MEF2B: variants seen among roughly 807,000 people sequenced by gnomAD.
The protein encoded by MEF2B is myocyte-specific enhancer factor 2B.
A neutral mutation model predicts 32.2 loss-of-function variants in MEF2B; 15 were observed. That is an observed-to-expected ratio of 0.47 (90% CI 0.31 to 0.72). The LOEUF (loss-of-function observed/expected upper bound fraction) is 0.72, where lower values mean the gene tolerates loss of function less well. Ranked by LOEUF, MEF2B falls within the 30% of genes least tolerant of loss-of-function variation. The pLI is 0.05. For missense variants in MEF2B, 441 were observed against 511.5 expected (o/e 0.86, Z 1.33); for synonymous variants, 205 against 225.6 (o/e 0.91, Z 0.82).
At chr19:19,148,680 CTTAT>C (rs200858994) in intron 3 of MEF2B, among the ~76,000 whole-genome samples, 58,957 of 142,068 alleles carry the variant, frequency 0.41, 12,947 homozygotes, top group Non-Finnish European at 0.49. Context: ...ACTCCTCTGT[CTTAT>C]TTATTTATTT....
At chr19:19,167,870 C>T (rs2060222267) in intron 1 of MEF2B, among the ~76,000 whole-genome samples, 1 of 152,186 alleles carries the variant, frequency 6.6e-6, no homozygotes, top group African/African-American at 2.4e-5. Context: ...GAGGCATGGC[C>T]TTGAGCTCCA....
chr19:19,158,014 G>C (rs545523313), intron 1 of MEF2B, among the ~76,000 whole-genome samples: 31 of 152,200 alleles, frequency 2.0e-4, no homozygotes, highest in African/African-American at 7.2e-4. Flanking sequence ...GATATGTTCA[G>C]TTTGTGCAAA....
intron 1 of MEF2B, among the ~76,000 whole-genome samples, chr19:19,167,450 A>T (rs563101227): frequency 1.1e-4 from 16 of 151,844 alleles, no homozygotes; most frequent in African/African-American, 3.6e-4. Flanking sequence ...TGAGCCCAGG[A>T]GGCAGAGGTT....
At chr19:19,150,083 C>CAA (rs562187293) in intron 2 of MEF2B, among the ~76,000 whole-genome samples, 8 of 45,886 alleles carry the variant, frequency 1.7e-4, no homozygotes, top group Non-Finnish European at 2.3e-4. Flanking sequence ...AACTCCATCT[C>CAA]AAAAAAAAAA....
chr19:19,149,148 G>A, intron 3 of MEF2B, 78 bp downstream of exon 3: 7 of 1,551,694 alleles, frequency 4.5e-6, no homozygotes, highest in Non-Finnish European at 6.1e-6. Context: ...CATCTTTTGT[G>A]CAAACCAAGA....
intron 1 of MEF2B, 142 bp from the exon 2 acceptor site, chr19:19,150,906 T>C (rs2060074999): frequency 2.0e-6 from 2 of 1,011,092 alleles, no homozygotes; most frequent in Admixed American, 2.3e-5. Flanking sequence ...TGGGTCACTG[T>C]CGCAGACCCC....
In MEF2B at chr19:19,163,949, G is replaced by A. The variant is rs1047372851; in HGVS notation, c.-30+6256C>T. Among the ~76,000 whole-genome samples the A allele has an allele frequency of 3.3e-5, 5 of 152,046 alleles. No individual in the cohort carries two copies. The East Asian group carries it at 7.7e-4, about 23-fold the overall frequency. On this transcript the variant is annotated intron_variant, in intron 1 of 8. Coordinates refer to ENST00000424583, the MANE Select transcript of MEF2B (RefSeq NM_001145785.2). ...CTCCCAAAGTTCTGGGATTATAGAGGTGAGCCACCACACCCAGCCCTACTT... is the reference window on the plus strand; with the variant it reads ...CTCCCAAAGTTCTGGGATTATAGAGATGAGCCACCACACCCAGCCCTACTT...
At chr19:19,151,577 C>T (rs1016081095) in intron 1 of MEF2B, among the ~76,000 whole-genome samples, 6 of 152,088 alleles carry the variant, frequency 3.9e-5, no homozygotes, top group Admixed American at 6.6e-5. Flanking sequence ...CCACAGGGGA[C>T]GTCCCCGCTC....
At chr19:19,158,461 A>G (rs1205407078) in intron 1 of MEF2B, among the ~76,000 whole-genome samples, 1 of 137,582 alleles carries the variant, frequency 7.3e-6, no homozygotes, top group Non-Finnish European at 1.6e-5. Flanking sequence ...AAAAAAAAAA[A>G]ACAAACTAGG....
chr19:19,149,683 C>T lies in MEF2B; in HGVS notation c.55-254G>A, dbSNP rs540833941. On this transcript the variant is annotated intron_variant, in intron 2 of 8. Coordinates refer to ENST00000424583, the MANE Select transcript of MEF2B (RefSeq NM_001145785.2). ...TCTCTGGGCTTTCCCAGTTCTGGGC[C>T]TCCCTCTGTTCTGGCCCTCTGAGTT... Among the ~76,000 whole-genome samples the T allele has an allele frequency of 1.9e-3, 287 of 152,262 alleles. 1 individual carries two copies. The highest frequency in any genetic ancestry group is 6.5e-3 in the African/African-American group (270 of 41,562).
chr19:19,146,671 G>A, intron 6 of MEF2B, 23 bp from the exon 7 acceptor site: 1 of 1,613,458 alleles, frequency 6.2e-7, no homozygotes, highest in South Asian at 1.1e-5. Context: ...AGGGTGAAGG[G>A]GAAACTGAGG....
chr19:19,150,815 G>A (rs2060074171), intron 1 of MEF2B, 51 bp from the exon 2 acceptor site: 1 of 1,601,810 alleles, frequency 6.2e-7, no homozygotes, highest in Admixed American at 1.7e-5. Flanking sequence ...GAGTGGGGAG[G>A]GGTACCCCAG....
rs1402696231 is a variant in MEF2B, at chr19:19,170,192, A to G, written c.-30+13T>C. On this transcript the variant is annotated intron_variant, in intron 1 of 8. Transcript: ENST00000424583. Reference sequence around the variant, plus strand: ...AGGACACCACAGGAGTCTCAACCCGATATGACACGCACCTGCTCGGCCTGG... The same window carrying G: ...AGGACACCACAGGAGTCTCAACCCGGTATGACACGCACCTGCTCGGCCTGG... 2.5e-6 allele frequency: 1 copy of G among 398,298 alleles called. No individual in the cohort carries two copies. Among genetic ancestry groups the G allele is most frequent in the Non-Finnish European group, 4.4e-6 (1 of 225,954 alleles). 24.7% of individuals were successfully genotyped at this position (398,298 alleles called of 1,614,324 possible).
intron 1 of MEF2B, among the ~76,000 whole-genome samples, chr19:19,169,818 G>T (rs1181402272): frequency 6.6e-6 from 1 of 152,068 alleles, no homozygotes; most frequent in African/African-American, 2.4e-5. Context: ...GTGCACAGGG[G>T]ATGCGCTAAT....
At chr19:19,162,094 AC>A (rs1199741922) in intron 1 of MEF2B, among the ~76,000 whole-genome samples, 2 of 150,168 alleles carry the variant, frequency 1.3e-5, no homozygotes, top group Admixed American at 6.6e-5. Flanking sequence ...AGGCCACCAT[AC>A]CTGGCTGGGT....
Position 19,147,742 on chromosome 19 carries a change from C to A in MEF2B, c.349G>T (p.Ala117Ser). ...EEPGEKFRRL[A>S]GEGGDPALPR... ...AAGGCCGGATCACCCCCTTCGCCTG[C>A]CAGCCTCCGAAACTTCTCTCCTGGC... Residue 117 changes from alanine to serine, a missense_variant, in exon 4 of 9, where the codon GCA becomes TCA. By Grantham distance (99) the Ala-to-Ser change is moderately conservative. Transcript: ENST00000424583. 6.2e-7 allele frequency: 1 copy of A among 1,613,926 alleles called. No individual in the cohort carries two copies. The highest frequency in any genetic ancestry group is 8.5e-7 in the Non-Finnish European group (1 of 1,179,962).
In MEF2B at chr19:19,150,687, G is replaced by T; in HGVS notation, c.49C>A (p.Arg17=). 1 of 1,614,152 alleles carries T rather than the reference G, an allele frequency of 6.2e-7. No individual in the cohort carries two copies. Among genetic ancestry groups the T allele is most frequent in the African/African-American group, 1.3e-5 (1 of 75,022 alleles). The part of the protein sequence containing the change: ...QISRILDQRN[R]QVTFTKRKFG... ...GTTCCACCCAGTGAACTCACCTGCCGATTCCTTTGGTCCAGGATGCGGGAG... is the reference window on the plus strand; with the variant it reads ...GTTCCACCCAGTGAACTCACCTGCCTATTCCTTTGGTCCAGGATGCGGGAG... The change falls in exon 2 of 9, where the codon CGG becomes AGG. Residue 17 remains arginine (R), a synonymous_variant. Transcript: ENST00000424583.
intron 1 of MEF2B, among the ~76,000 whole-genome samples, chr19:19,156,408 T>G (rs888326159): frequency 4.6e-5 from 7 of 151,894 alleles, no homozygotes; most frequent in South Asian, 2.1e-4. Flanking sequence ...AAAAAAAATT[T>G]TTTTTTTAAA....
At chr19:19,148,603 T>C (rs2060046903) in intron 3 of MEF2B, among the ~76,000 whole-genome samples, 2 of 152,144 alleles carry the variant, frequency 1.3e-5, no homozygotes, top group South Asian at 2.1e-4. Flanking sequence ...CACTGCGGAC[T>C]CCCAGGCCTA....
Sources: gnomAD v4.1 joint callset for allele counts (sites outside exome capture counted in the v4.1 genomes callset) on GRCh38, gnomAD v4.1.1 for gene constraint, MANE v1.5 for transcripts, NCBI Gene and HGNC (gene_info 2026-07-23, HGNC 2026-07-21) for gene names.